The following ZFAND3 variants were observed in gnomAD, a reference collection of about 807,000 sequenced individuals.
ZFAND3 encodes AN1-type zinc finger protein 3.
In ZFAND3, 10 loss-of-function variants were observed where a neutral mutation model predicts 29.6. The observed-to-expected ratio is 0.34, with a 90% CI of 0.21 to 0.57. The LOEUF (loss-of-function observed/expected upper bound fraction) is 0.57, where lower values mean the gene tolerates loss of function less well. ZFAND3 is among the 20% of genes least tolerant of loss of function. ZFAND3 has a pLI of 0.86. For synonymous variants in ZFAND3, 128 were observed against 112.6 expected, an observed-to-expected ratio of 1.14 and a Z score of -0.87; for missense variants, 230 against 304.5, an observed-to-expected ratio of 0.76 and a Z score of 1.82.
intron 2 of ZFAND3, among the ~76,000 whole-genome samples, chr6:37,972,082 G>A (rs1253678245): frequency 6.6e-6 from 1 of 152,174 alleles, no homozygotes; most frequent in East Asian, 1.9e-4. Context: ...TGTGTATGCT[G>A]AGTTTTTCTA....
chr6:37,901,151 G>A (rs1765312691), intron 1 of ZFAND3, among the ~76,000 whole-genome samples: 1 of 152,152 alleles, frequency 6.6e-6, no homozygotes, highest in African/African-American at 2.4e-5. Flanking sequence ...ATTCATTCTG[G>A]TGCTTTCACT....
At chr6:38,138,666 C>A (rs1765889878) in intron 5 of ZFAND3, among the ~76,000 whole-genome samples, 1 of 152,140 alleles carries the variant, frequency 6.6e-6, no homozygotes, top group African/African-American at 2.4e-5. Context: ...CTAACTAGAC[C>A]TCTAATAAAG....
At chr6:38,003,786 G>A (rs1419168758) in intron 2 of ZFAND3, 3 of 450,996 alleles carry the variant, frequency 6.7e-6, no homozygotes, top group South Asian at 3.1e-5. Flanking sequence ...GATTACAGGC[G>A]AGAGCTACAG....
intron 1 of ZFAND3, among the ~76,000 whole-genome samples, chr6:37,877,441 T>C (rs928382951): frequency 4.6e-5 from 7 of 152,078 alleles, no homozygotes; most frequent in African/African-American, 1.7e-4. Context: ...GACGAGATAA[T>C]GGTGGCTTGG....
chr6:38,083,151 CAG>C (rs1764695251), intron 4 of ZFAND3, among the ~76,000 whole-genome samples: 2 of 152,150 alleles, frequency 1.3e-5, no homozygotes, highest in Non-Finnish European at 2.9e-5. Context: ...CTAAAGGTCA[CAG>C]AGTATTTTTC....
chr6:37,877,845 C>A (rs889779802), intron 1 of ZFAND3, among the ~76,000 whole-genome samples: 3 of 152,168 alleles, frequency 2.0e-5, no homozygotes, highest in African/African-American at 7.2e-5. Context: ...AAGTCTTGGT[C>A]AAGCTAAGAA....
rs139736748 is a variant in ZFAND3, at chr6:37,848,119, A to G, written c.71+28103A>G. On this transcript the variant is annotated intron_variant, in intron 1 of 5. Coordinates refer to ENST00000287218, the MANE Select transcript of ZFAND3 (RefSeq NM_021943.3). ...CAGTCTTCTTTATATTTAGTAGGAAAGTACAGATATCATTACTGTTTTGAG... is the reference window on the plus strand; with the variant it reads ...CAGTCTTCTTTATATTTAGTAGGAAGGTACAGATATCATTACTGTTTTGAG... 2.0e-4 allele frequency among the ~76,000 whole-genome samples: 31 copies of G among 152,376 alleles called. No individual in the cohort carries two copies. In the East Asian group the frequency reaches 5.2e-3, roughly 26 times the overall value.
chr6:37,955,942 A>G (rs1428124992), intron 2 of ZFAND3, among the ~76,000 whole-genome samples: 1 of 152,080 alleles, frequency 6.6e-6, no homozygotes, highest in African/African-American at 2.4e-5. Context: ...AGAATAAGAA[A>G]ATTGGTTGCC....
intron 4 of ZFAND3, among the ~76,000 whole-genome samples, chr6:38,115,904 C>T (rs1367672843): frequency 1.3e-5 from 2 of 152,220 alleles, no homozygotes; most frequent in Admixed American, 6.5e-5. Flanking sequence ...CCTGGTGCTG[C>T]TGCTGCTGCA....
At chr6:37,842,418 C>T (rs1280892098) in intron 1 of ZFAND3, among the ~76,000 whole-genome samples, 2 of 152,154 alleles carry the variant, frequency 1.3e-5, no homozygotes, top group East Asian at 1.9e-4. Flanking sequence ...GAGTCATATG[C>T]TGTGTACATT....
chr6:38,048,636 T>TAAAAAAAAAAAAAAAAAAAAAA (rs1763958412), intron 2 of ZFAND3, among the ~76,000 whole-genome samples: 1 of 39,018 alleles, frequency 2.6e-5, no homozygotes, highest in Non-Finnish European at 5.6e-5. Context: ...AAAAAAAAAT[T>TAAAAAAAAAAAAAAAAAAAAAA]CAATGCCTGT....
chr6:37,992,760 G>A lies in ZFAND3; in HGVS notation c.112+62761G>A, dbSNP rs544394080. ...AAAATTAATCCAAGATTAGGTTTAA[G>A]TGTTTTATTATGTCTCTCTTATTTT... On this transcript the variant is annotated intron_variant, in intron 2 of 5. Coordinates refer to ENST00000287218, the MANE Select transcript of ZFAND3 (RefSeq NM_021943.3). Among the ~76,000 whole-genome samples the A allele has an allele frequency of 5.9e-5, 9 of 152,142 alleles. No homozygotes were observed. The South Asian group carries it at 1.0e-3, about 18-fold the overall frequency.
intron 2 of ZFAND3, among the ~76,000 whole-genome samples, chr6:38,033,656 T>A (rs544085781): frequency 8.5e-5 from 13 of 152,336 alleles, no homozygotes; most frequent in African/African-American, 2.9e-4. Flanking sequence ...TCCACAGTTT[T>A]CTATGTCAGT....
chr6:38,038,650 A>AAG (rs1763704949), intron 2 of ZFAND3, among the ~76,000 whole-genome samples: 1 of 152,006 alleles, frequency 6.6e-6, no homozygotes, highest in Non-Finnish European at 1.5e-5. Context: ...TATTTTTTTT[A>AAG]AGAGAGAGAA....
chr6:38,028,710 A>G (rs1763495063), intron 2 of ZFAND3, among the ~76,000 whole-genome samples: 1 of 152,180 alleles, frequency 6.6e-6, no homozygotes, highest in South Asian at 2.1e-4. Context: ...TGTGCCAGTG[A>G]GTAAATTCCA....
At chr6:38,100,870 C>T (rs373576820) in intron 4 of ZFAND3, among the ~76,000 whole-genome samples, 1 of 152,182 alleles carries the variant, frequency 6.6e-6, no homozygotes, top group Non-Finnish European at 1.5e-5. Flanking sequence ...TTGTGTCTGT[C>T]TGTATACATG....
chr6:38,058,857 C>T (rs1424169537), intron 2 of ZFAND3, among the ~76,000 whole-genome samples: 1 of 152,160 alleles, frequency 6.6e-6, no homozygotes, highest in Non-Finnish European at 1.5e-5. Flanking sequence ...AACATAAATA[C>T]GTTATACACA....
chr6:37,996,078 G>A (rs1347344810), intron 2 of ZFAND3, among the ~76,000 whole-genome samples: 2 of 149,076 alleles, frequency 1.3e-5, no homozygotes, highest in East Asian at 2.0e-4. Flanking sequence ...GCAGTGAGCC[G>A]AGATCACACC....
chr6:38,092,040 C>T (rs1463381701), intron 4 of ZFAND3, among the ~76,000 whole-genome samples: 1 of 152,132 alleles, frequency 6.6e-6, no homozygotes, highest in Non-Finnish European at 1.5e-5. Flanking sequence ...GGTCCCATTG[C>T]CTCTCCCGCC....
Sources: gnomAD v4.1 joint callset for allele counts (sites outside exome capture counted in the v4.1 genomes callset) on GRCh38, gnomAD v4.1.1 for gene constraint, MANE v1.5 for transcripts, NCBI Gene and HGNC (gene_info 2026-07-23, HGNC 2026-07-21) for gene names.